Variants in ZNF280D observed in about 807,000 individuals in gnomAD.
ZNF280D encodes suppressor of hairy wing homolog 4.
ZNF280D carries 39 observed loss-of-function variants against 94.7 expected under a neutral mutation model. The observed-to-expected ratio is 0.41, with a 90% CI of 0.32 to 0.54. ZNF280D has a LOEUF of 0.54. ZNF280D is among the 20% of genes least tolerant of loss of function. ZNF280D has a pLI of 0.22. For missense variants in ZNF280D, 1,090 were observed against 1,149.3 expected, an observed-to-expected ratio of 0.95 and a Z score of 0.75; for synonymous variants, 398 against 377.6, an observed-to-expected ratio of 1.05 and a Z score of -0.63.
chr15:56,638,063 G>C (rs946164911), intron 20 of ZNF280D, among the ~76,000 whole-genome samples: 1 of 152,030 alleles, frequency 6.6e-6, no homozygotes, highest in Non-Finnish European at 1.5e-5. Context: ...ATCTAGACTA[G>C]AGTTTCAGTA....
chr15:56,716,084 G>A (rs2058029508), intron 1 of ZNF280D, among the ~76,000 whole-genome samples: 1 of 152,088 alleles, frequency 6.6e-6, no homozygotes, highest in Admixed American at 6.6e-5. Flanking sequence ...CTCAAATTCT[G>A]CTATCCACTG....
intron 3 of ZNF280D, among the ~76,000 whole-genome samples, chr15:56,705,833 G>A (rs2057369979): frequency 6.6e-6 from 1 of 151,860 alleles, no homozygotes; most frequent in African/African-American, 2.4e-5. Context: ...CTATACATTA[G>A]AGGGGCAGTA....
At chr15:56,636,868 C>T (rs1334454737) in intron 20 of ZNF280D, among the ~76,000 whole-genome samples, 6 of 152,106 alleles carry the variant, frequency 3.9e-5, no homozygotes, top group East Asian at 1.9e-4. Context: ...GATCCACCCA[C>T]CTCGGCCTCC....
At chr15:56,724,686 TC>T (rs1478169343) in intron 1 of ZNF280D, among the ~76,000 whole-genome samples, 1 of 152,216 alleles carries the variant, frequency 6.6e-6, no homozygotes, top group Non-Finnish European at 1.5e-5. Flanking sequence ...AAGTATTTGT[TC>T]TGATGATGGA....
intron 1 of ZNF280D, chr15:56,729,990 T>G (rs531068314): frequency 6.6e-6 from 1 of 152,332 alleles, no homozygotes; most frequent in East Asian, 1.9e-4. Context: ...GTATTGAAAT[T>G]CTTATTAAAA....
chr15:56,654,449 T>C lies in ZNF280D; in HGVS notation c.2112A>G (p.Leu704=), dbSNP rs1384266993. ...NCDFLSDVSG[L]DNMATHLSQH... Reference sequence around the variant, plus strand: ...GACTTAAGTGTGTAGCCATATTATCTAAGCCAGAAACATCACTTAGGAAAT... The same window carrying C: ...GACTTAAGTGTGTAGCCATATTATCCAAGCCAGAAACATCACTTAGGAAAT... Residue 704 remains leucine, a synonymous_variant, in exon 18 of 22, where the codon TTA becomes TTG. Coordinates refer to ENST00000267807, the MANE Select transcript of ZNF280D (RefSeq NM_017661.4). 1 of 1,611,202 alleles carries C rather than the reference T, an allele frequency of 6.2e-7. No homozygotes were observed. Among genetic ancestry groups the C allele is most frequent in the African/African-American group, 1.3e-5 (1 of 74,696 alleles).
Position 56,688,942 on chromosome 15 carries a change from C to G in ZNF280D, c.780+99G>C, listed in dbSNP as rs878904615. On this transcript the variant is annotated intron_variant, in intron 9 of 21. Transcript: ENST00000267807. ...TTTTATTTAAATTAAATGGAAATACCAATGAGATTATTTCTGGACAAACCA... is the reference window on the plus strand; with the variant it reads ...TTTTATTTAAATTAAATGGAAATACGAATGAGATTATTTCTGGACAAACCA... 8.0e-6 allele frequency: 5 copies of G among 625,232 alleles called. No homozygotes were observed. The Admixed American group carries it at 1.4e-4, about 18-fold the overall frequency. The allele number at this position is 625,232 out of a possible 1,614,324, so 38.7% of individuals were successfully genotyped here.
chr15:56,690,459 T>C (rs1373237150), intron 7 of ZNF280D, among the ~76,000 whole-genome samples: 1 of 152,192 alleles, frequency 6.6e-6, no homozygotes, highest in African/African-American at 2.4e-5. Flanking sequence ...AAGTAGTAAG[T>C]ATAATGATTT....
intron 11 of ZNF280D, 120 bp downstream of exon 11, chr15:56,678,544 C>G (rs2055399456): frequency 1.6e-5 from 14 of 888,006 alleles, no homozygotes. Context: ...TTCAATTTTG[C>G]CCTCAAATTC....
chr15:56,631,489 T>C lies in ZNF280D; in HGVS notation c.*9A>G. ...ATCGTTGGTACACTGAAACTTAAAA[T>C]GACTAATTTCAACTTCTTTCTTTTT... On this transcript the variant is annotated 3_prime_UTR_variant, in exon 22 of 22. Coordinates refer to ENST00000267807, the MANE Select transcript of ZNF280D (RefSeq NM_017661.4). 6.2e-7 allele frequency: 1 copy of C among 1,609,356 alleles called. No individual in the cohort carries two copies. Among genetic ancestry groups the C allele is most frequent in the Non-Finnish European group, 8.5e-7 (1 of 1,176,364 alleles).
chr15:56,663,375 G>T (rs1224093458), intron 16 of ZNF280D, among the ~76,000 whole-genome samples: 3 of 151,986 alleles, frequency 2.0e-5, no homozygotes, highest in Non-Finnish European at 4.4e-5. Flanking sequence ...GATGGATTGG[G>T]GCAGGTATGA....
intron 16 of ZNF280D, among the ~76,000 whole-genome samples, chr15:56,659,805 A>T (rs553012547): frequency 6.6e-6 from 1 of 152,048 alleles, no homozygotes; most frequent in African/African-American, 2.4e-5. Context: ...CACACACGCT[A>T]AAGTTTAAGA....
intron 20 of ZNF280D, among the ~76,000 whole-genome samples, chr15:56,640,786 GA>G (rs1288631666): frequency 6.6e-6 from 1 of 152,112 alleles, no homozygotes; most frequent in South Asian, 2.1e-4. Context: ...ATCTGTTTAA[GA>G]CTGCACTAAG....
At chr15:56,672,592 G>T (rs1382134169) in intron 13 of ZNF280D, among the ~76,000 whole-genome samples, 1 of 152,022 alleles carries the variant, frequency 6.6e-6, no homozygotes, top group Non-Finnish European at 1.5e-5. Flanking sequence ...GTATTTTGGT[G>T]AAGATTTTTG....
chr15:56,733,447 G>A lies in ZNF280D; in HGVS notation c.-86+11C>T, dbSNP rs2059007662. 6 of 1,063,698 alleles carry A rather than the reference G, an allele frequency of 5.6e-6. No homozygotes were observed. Among genetic ancestry groups the A allele is most frequent in the African/African-American group, 1.7e-5 (1 of 57,590 alleles). The allele number at this position is 1,063,698 out of a possible 1,614,324, so 65.9% of individuals were successfully genotyped here. ...GCAGCGCAGGGCGGGCGGGGGCGGGGGGGCGCTTACCGTGAGCGGAGCGGA... is the reference window on the plus strand; with the variant it reads ...GCAGCGCAGGGCGGGCGGGGGCGGGAGGGCGCTTACCGTGAGCGGAGCGGA... On this transcript the variant is annotated intron_variant, in intron 1 of 21. Coordinates refer to ENST00000267807, the MANE Select transcript of ZNF280D (RefSeq NM_017661.4).
At chr15:56,676,589 C>T (rs2055250228) in intron 13 of ZNF280D, 81 bp downstream of exon 13, 1 of 1,281,566 alleles carries the variant, frequency 7.8e-7, no homozygotes, top group Non-Finnish European at 1.1e-6. Flanking sequence ...TCTTGCAGAA[C>T]AAATCTAAAG....
chr15:56,707,641 C>G (rs1322271886), intron 1 of ZNF280D, among the ~76,000 whole-genome samples: 1 of 152,026 alleles, frequency 6.6e-6, no homozygotes, highest in African/African-American at 2.4e-5. Flanking sequence ...TTAACGTTAT[C>G]TTTTCTTTGT....
intron 6 of ZNF280D, chr15:56,699,716 G>T: frequency 2.8e-6 from 1 of 359,404 alleles, no homozygotes; most frequent in Non-Finnish European, 3.9e-6. Context: ...TCACACAAGT[G>T]CTTTTCCTCA....
chr15:56,683,310 T>C (rs1041386138), intron 9 of ZNF280D, among the ~76,000 whole-genome samples: 1 of 152,010 alleles, frequency 6.6e-6, no homozygotes, highest in Non-Finnish European at 1.5e-5. Context: ...TCCTTGCTTA[T>C]CCAAAAAAAC....
Sources: allele counts gnomAD v4.1 joint callset (sites outside exome capture counted in the v4.1 genomes callset), GRCh38; gene constraint gnomAD v4.1.1; transcripts MANE v1.5; gene names NCBI Gene and HGNC (gene_info 2026-07-23, HGNC 2026-07-21).